The following MAOB variants were observed in gnomAD, a reference collection of about 807,000 sequenced individuals.
MAOB encodes the protein monoamine oxidase B.
In MAOB, 15 loss-of-function variants were observed where a neutral mutation model predicts 41.9. The ratio of observed to expected loss-of-function variants is 0.36; its 90% CI spans 0.24 to 0.55. The LOEUF (loss-of-function observed/expected upper bound fraction) is 0.55, where lower values mean the gene tolerates loss of function less well. MAOB is among the 20% of genes least tolerant of loss of function. MAOB has a pLI of 0.86. For missense variants in MAOB, 345 were observed against 398.7 expected, an observed-to-expected ratio of 0.87 and a Z score of 1.15; for synonymous variants, 167 against 144.2, an observed-to-expected ratio of 1.16 and a Z score of -1.13.
At position 43,798,245 on chromosome X, in the gene MAOB, T is replaced by C. The variant is rs139766342; in HGVS notation, c.477-979A>G. Among the ~76,000 whole-genome samples, 24 of 112,396 alleles carry C rather than the reference T, an allele frequency of 2.1e-4. 1 individual carries two copies. The East Asian group carries it at 2.2e-3, about 10-fold the overall frequency. On this transcript the variant is annotated intron_variant, in intron 5 of 14. Transcript: ENST00000378069. ...ATCTTCTGTTTCTCACTCACCATAGTGTCCCCTTTAACAAAATAGTGCTTG... is the reference window on the plus strand; with the variant it reads ...ATCTTCTGTTTCTCACTCACCATAGCGTCCCCTTTAACAAAATAGTGCTTG...
chrX:43,843,192 G>T (rs911859137), intron 2 of MAOB, among the ~76,000 whole-genome samples: 16 of 111,232 alleles, frequency 1.4e-4, no homozygotes, highest in African/African-American at 4.2e-4. Context: ...ATTATGATTT[G>T]TTAAAATAAA....
At chrX:43,811,732 A>T (rs915402011) in intron 3 of MAOB, among the ~76,000 whole-genome samples, 2 of 111,346 alleles carry the variant, frequency 1.8e-5, no homozygotes, top group Admixed American at 9.6e-5. Context: ...GTATATACTT[A>T]TGGGGTACAT....
Position 43,857,108 on chromosome X carries a change from TATATATATAGAGAGAGAGAGAGAGAGAG to T in MAOB, c.47-13372_47-13345del, listed in dbSNP as rs1219892921. On this transcript the variant is annotated intron_variant, in intron 1 of 14. Transcript: ENST00000378069. Reference sequence around the variant, plus strand: ...AAATATATATATATATATATATATATATATATATAGAGAGAGAGAGAGAGAGAGAGAGAGAGAGAGAGAGAGAGAGAGA... The same window carrying T: ...AAATATATATATATATATATATATATAGAGAGAGAGAGAGAGAGAGAGAGA... Among the ~76,000 whole-genome samples the T allele has an allele frequency of 6.8e-3, 164 of 24,071 alleles. 4 individuals are homozygous for T. Among genetic ancestry groups the T allele is most frequent in the Non-Finnish European group, 9.8e-3 (147 of 15,032 alleles). The allele number at this position is 24,071 out of a possible 115,157, so 20.9% of individuals were successfully genotyped here. A position where few individuals can be genotyped will look rare whatever the true frequency, so the allele number is the denominator to read the frequency against.
intron 1 of MAOB, 74 bp from the exon 2 acceptor site, chrX:43,843,838 T>C (rs2035169761): frequency 5.1e-6 from 6 of 1,166,364 alleles, no homozygotes; most frequent in Non-Finnish European, 6.9e-6. Context: ...TAACAGCCAA[T>C]GAGAAAAGTC....
At chrX:43,798,016 T>C (rs772257409) in intron 5 of MAOB, among the ~76,000 whole-genome samples, 83 of 112,336 alleles carry the variant, frequency 7.4e-4, no homozygotes, top group African/African-American at 2.5e-3. Flanking sequence ...TTTACTCTAA[T>C]GTTTCCTTAG....
chrX:43,798,830 T>C (rs1014213774), intron 5 of MAOB, among the ~76,000 whole-genome samples: 5 of 112,005 alleles, frequency 4.5e-5, no homozygotes, highest in Admixed American at 9.5e-5. Flanking sequence ...AAAATCATTA[T>C]CTTGTTAAAT....
chrX:43,793,875 G>A (rs1219337109), intron 7 of MAOB, among the ~76,000 whole-genome samples: 1 of 110,744 alleles, frequency 9.0e-6, no homozygotes, highest in Non-Finnish European at 1.9e-5. Context: ...TCTTACTTCT[G>A]CTATTTTTGT....
chrX:43,810,385 T>C (rs772867598), intron 3 of MAOB, among the ~76,000 whole-genome samples: 1 of 111,024 alleles, frequency 9.0e-6, no homozygotes, highest in East Asian at 2.8e-4. Context: ...TCATTTTGTT[T>C]GTTTTAGAAA....
intron 5 of MAOB, 109 bp downstream of exon 5, chrX:43,802,063 G>A: frequency 9.9e-6 from 6 of 605,618 alleles, no homozygotes; most frequent in Non-Finnish European, 1.4e-5. Context: ...GGCTGGTGGT[G>A]TGGTTTTAGA....
chrX:43,845,452 T>G (rs1293807738), intron 1 of MAOB, among the ~76,000 whole-genome samples: 3 of 112,499 alleles, frequency 2.7e-5, no homozygotes, highest in African/African-American at 6.5e-5. Flanking sequence ...ATAAATTAAT[T>G]CAATGAACTT....
chrX:43,778,888 A>G (rs940893657), intron 10 of MAOB, 149 bp from the exon 11 acceptor site: 67 of 455,895 alleles, frequency 1.5e-4, no homozygotes, highest in Non-Finnish European at 2.1e-4. Flanking sequence ...AAAACAAGGC[A>G]TTTTGTTCCA....
chrX:43,875,959 A>T (rs771778335), intron 1 of MAOB, among the ~76,000 whole-genome samples: 29 of 110,790 alleles, frequency 2.6e-4, no homozygotes, highest in South Asian at 1.6e-3. Context: ...TTATTTATTA[A>T]TTATTTATTT....
chrX:43,797,227 A>T lies in MAOB; in HGVS notation c.516T>A (p.Cys172Ter). The T allele has an allele frequency of 8.3e-7, 1 of 1,201,542 alleles. No individual in the cohort carries two copies. The highest frequency in any genetic ancestry group is 1.1e-6 in the Non-Finnish European group (1 of 889,773). ...KQLATLFVNL[C>*]VTAETHEVSA... is the part of the protein sequence containing the mutation. ...AGACCTCATGGGTCTCTGCAGTGAC[A>T]CACAGGTTCACAAAGAGAGTGGCAA... Residue 172 changes from cysteine (C) to a stop codon, truncating the protein, a stop_gained, in exon 6 of 15, where the codon TGT becomes TGA. Coordinates refer to ENST00000378069, the MANE Select transcript of MAOB (RefSeq NM_000898.5). LOFTEE classifies it high-confidence loss of function.
At position 43,775,201 on chromosome X, in the gene MAOB, G is replaced by A; in HGVS notation, c.1209C>T (p.Pro403=). 8.3e-7 allele frequency: 1 copy of A among 1,202,077 alleles called. No homozygotes were observed. ...TTCCATATTGAGTCAGGATCCCAGG[G>A]GGGAAATAAGTTGTGTAGCAGCCCC... ...YSGGCYTTYF[P]PGILTQYGRV... is the part of the protein sequence containing the mutation. Residue 403 remains proline (P), a synonymous_variant, in exon 12 of 15, where the codon CCC becomes CCT. Transcript: ENST00000378069.
rs751902460 is a variant in MAOB at position 43,838,552 on chromosome X, T to C, written c.279+316A>G. On this transcript the variant is annotated intron_variant, in intron 3 of 14. Coordinates refer to ENST00000378069, the MANE Select transcript of MAOB (RefSeq NM_000898.5). ...TAAAAACTTTGCACAGGTTTTTATATAACATAAAAGACTTCCCGGTATTTA... is the reference window on the plus strand; with the variant it reads ...TAAAAACTTTGCACAGGTTTTTATACAACATAAAAGACTTCCCGGTATTTA... 1.2e-3 allele frequency among the ~76,000 whole-genome samples: 130 copies of C among 112,534 alleles called. 1 individual carries two copies. The highest frequency in any genetic ancestry group is 4.6e-3 in the Middle Eastern group (1 of 217).
At chrX:43,845,351 T>C (rs775558813) in intron 1 of MAOB, among the ~76,000 whole-genome samples, 1 of 112,235 alleles carries the variant, frequency 8.9e-6, no homozygotes, top group South Asian at 3.7e-4. Context: ...AAAATAATAG[T>C]TCTGTGACTT....
At chrX:43,799,628 A>G (rs2034568587) in intron 5 of MAOB, among the ~76,000 whole-genome samples, 1 of 111,951 alleles carries the variant, frequency 8.9e-6, no homozygotes, top group Non-Finnish European at 1.9e-5. Flanking sequence ...TTCAGTAAGA[A>G]AAGAAATAAG....
intron 2 of MAOB, 125 bp from the exon 3 acceptor site, chrX:43,839,130 G>A (rs905851436): frequency 2.4e-5 from 10 of 410,997 alleles, no homozygotes; most frequent in South Asian, 8.8e-5. Context: ...GTATATCCAC[G>A]AAAAACTAGA....
chrX:43,824,075 A>G (rs757741822), intron 3 of MAOB, among the ~76,000 whole-genome samples: 21 of 112,344 alleles, frequency 1.9e-4, no homozygotes, highest in Non-Finnish European at 3.6e-4. Flanking sequence ...CTTCAAAATT[A>G]TTGAATGACT....
Sources: allele counts gnomAD v4.1 joint callset (sites outside exome capture counted in the v4.1 genomes callset), GRCh38; gene constraint gnomAD v4.1.1; transcripts MANE v1.5; gene names NCBI Gene and HGNC (gene_info 2026-07-23, HGNC 2026-07-21).